Variants in DYNC2I1 observed in about 807,000 individuals in gnomAD.
DYNC2I1 encodes the protein cytoplasmic dynein 2 intermediate chain 1.
Under a neutral mutation model 133.4 loss-of-function variants are expected in DYNC2I1, and 89 were observed. That is an observed-to-expected ratio of 0.67 (90% CI 0.56 to 0.80). The LOEUF (loss-of-function observed/expected upper bound fraction) is 0.80. DYNC2I1 is among the 30% of genes least tolerant of loss of function. The probability of loss-of-function intolerance (pLI) is 0.00; values close to 1 mark genes in which losing one functional copy is unlikely to be tolerated. For synonymous variants in DYNC2I1, 504 were observed against 484.3 expected (o/e 1.04, Z -0.54); for missense variants, 1,291 against 1,314.5 (o/e 0.98, Z 0.28).
At chr7:158,910,085 A>C (rs1399639169) in intron 11 of DYNC2I1, among the ~76,000 whole-genome samples, 1 of 152,250 alleles carries the variant, frequency 6.6e-6, no homozygotes, top group Admixed American at 6.5e-5. Context: ...AAAGAAACAA[A>C]AATCTCTGCC....
At chr7:158,934,253 C>T (rs1181979142) in intron 22 of DYNC2I1, 25 bp downstream of exon 22, 4 of 1,579,522 alleles carry the variant, frequency 2.5e-6, no homozygotes, top group Non-Finnish European at 3.4e-6. Context: ...AAATTTAATC[C>T]TATTACTCAT....
intron 8 of DYNC2I1, among the ~76,000 whole-genome samples, chr7:158,900,374 G>T (rs1364272660): frequency 2.6e-5 from 4 of 151,930 alleles, no homozygotes; most frequent in Non-Finnish European, 5.9e-5. Context: ...CACCTGCCTC[G>T]GCCTCCCAAA....
chr7:158,845,233 T>C, the DYNC2I1 span, among the ~76,000 whole-genome samples: 1 of 152,164 alleles, frequency 6.6e-6, no homozygotes, highest in Non-Finnish European at 1.5e-5. Flanking sequence ...ATAGGATTTT[T>C]TTTTGTATGG....
chr7:158,857,534 G>GTTTTTTTTT (rs374994955), intron 1 of DYNC2I1, among the ~76,000 whole-genome samples: 1 of 131,402 alleles, frequency 7.6e-6, no homozygotes, highest in African/African-American at 3.1e-5. Context: ...TAAACCTTAG[G>GTTTTTTTTT]TTTTTGTTTT....
chr7:158,846,188 A>G, the DYNC2I1 span, among the ~76,000 whole-genome samples: 1,877 of 152,252 alleles, frequency 0.012, 35 homozygotes, highest in African/African-American at 0.042. Flanking sequence ...GAACCTGGGA[A>G]GCAGAAGTTG....
intron 15 of DYNC2I1, among the ~76,000 whole-genome samples, chr7:158,921,210 C>T (rs899557334): frequency 3.9e-5 from 6 of 152,180 alleles, no homozygotes; most frequent in East Asian, 1.9e-4. Context: ...GAAAACCGGA[C>T]GGAGATGAGA....
chr7:158,863,978 G>T (rs540807878), intron 1 of DYNC2I1, among the ~76,000 whole-genome samples: 1 of 141,762 alleles, frequency 7.1e-6, no homozygotes, highest in African/African-American at 2.6e-5. Flanking sequence ...GTGTTGCGGG[G>T]AGCAGGACGT....
chr7:158,902,463 C>A lies in DYNC2I1; in HGVS notation c.1225C>A (p.Pro409Thr). Residue 409 changes from proline to threonine, a missense_variant, in exon 10 of 25, where the codon CCT becomes ACT. By Grantham distance (38) the Pro-to-Thr change is conservative. Transcript: ENST00000407559. ...GTCAAGAGAAAAACTGGAAGAACTTCCTCTAGCTCAAAAAAAGGAAATACA... is the reference window on the plus strand; with the variant it reads ...GTCAAGAGAAAAACTGGAAGAACTTACTCTAGCTCAAAAAAAGGAAATACA... Reference protein sequence around the residue: ...PESREKLEELPLAQKKEIQEI... With the variant: ...PESREKLEELTLAQKKEIQEI... The A allele has an allele frequency of 6.2e-7, 1 of 1,613,866 alleles. No individual in the cohort carries two copies. Among genetic ancestry groups the A allele is most frequent in the Non-Finnish European group, 8.5e-7 (1 of 1,179,854 alleles).
At chr7:158,849,073 G>A in the DYNC2I1 span, among the ~76,000 whole-genome samples, 169 of 152,282 alleles carry the variant, frequency 1.1e-3, no homozygotes, top group African/African-American at 4.0e-3. Flanking sequence ...CTTACATTGA[G>A]GCACATTAAG....
At chr7:158,868,812 T>C (rs1159536106) in intron 1 of DYNC2I1, among the ~76,000 whole-genome samples, 1 of 152,260 alleles carries the variant, frequency 6.6e-6, no homozygotes, top group Non-Finnish European at 1.5e-5. Context: ...TGCTGAGCCT[T>C]GTGATGCCTC....
chr7:158,947,831 G>A (rs1037417334), downstream of DYNC2I1, among the ~76,000 whole-genome samples: 4 of 152,252 alleles, frequency 2.6e-5, no homozygotes, highest in African/African-American at 4.8e-5. Context: ...CTGACGCGCT[G>A]CCTCGGAAGC....
intron 6 of DYNC2I1, among the ~76,000 whole-genome samples, chr7:158,885,833 A>G (rs932854906): frequency 9.2e-5 from 14 of 152,176 alleles, no homozygotes; most frequent in Non-Finnish European, 1.9e-4. Flanking sequence ...AGAAGGCACA[A>G]TAAGACTTTT....
chr7:158,923,721 A>T lies in DYNC2I1; in HGVS notation c.2245A>T (p.Thr749Ser), dbSNP rs755638947. 206 of 1,610,512 alleles carry T rather than the reference A, an allele frequency of 1.3e-4. No individual in the cohort carries two copies. The highest frequency in any genetic ancestry group is 1.7e-4 in the Non-Finnish European group (198 of 1,177,510). Residue 749 changes from threonine (T) to serine (S), a missense_variant, in exon 17 of 25, where the codon ACG (threonine) becomes TCG (serine). Thr to Ser is a moderately conservative substitution (Grantham distance 58, BLOSUM62 1). Coordinates refer to ENST00000407559, the MANE Select transcript of DYNC2I1 (RefSeq NM_018051.5). ...TGGCTTCTGGACGTTCCGGACCGCC[A>T]CGTTTTCCACCGGTCAGTGTCATCT... ...SDGFWTFRTA[T>S]FSTDGILTSV... is the part of the protein sequence containing the mutation.
chr7:158,875,805 C>T (rs578042194), intron 3 of DYNC2I1, among the ~76,000 whole-genome samples: 10 of 152,182 alleles, frequency 6.6e-5, no homozygotes, highest in African/African-American at 9.7e-5. Flanking sequence ...AGGCATTTCC[C>T]TGGAGCTCAC....
intron 23 of DYNC2I1, among the ~76,000 whole-genome samples, chr7:158,939,939 G>C (rs2129488486): frequency 6.6e-6 from 1 of 152,226 alleles, no homozygotes; most frequent in South Asian, 2.1e-4. Flanking sequence ...TCAGCAAGAG[G>C]ATATAACAGT....
chr7:158,931,882 T>C (rs543746730), intron 21 of DYNC2I1, among the ~76,000 whole-genome samples: 2 of 152,292 alleles, frequency 1.3e-5, no homozygotes, highest in African/African-American at 2.4e-5. Flanking sequence ...CGCTCCCTGC[T>C]TTCCCAGGAA....
downstream of DYNC2I1, among the ~76,000 whole-genome samples, chr7:158,948,207 G>C (rs1363850021): frequency 6.6e-6 from 1 of 152,214 alleles, no homozygotes; most frequent in Non-Finnish European, 1.5e-5. Flanking sequence ...CAAGAGGTGG[G>C]CCGACAGTGC....
At chr7:158,893,833 T>C (rs898530265) in intron 8 of DYNC2I1, among the ~76,000 whole-genome samples, 3 of 151,866 alleles carry the variant, frequency 2.0e-5, no homozygotes, top group African/African-American at 7.3e-5. Context: ...TATCATACCG[T>C]ATGTCATAGT....
At chr7:158,839,519 T>C in the DYNC2I1 span, among the ~76,000 whole-genome samples, 2 of 152,150 alleles carry the variant, frequency 1.3e-5, no homozygotes, top group Non-Finnish European at 2.9e-5. Context: ...TTTTTGTTTT[T>C]TAAAGAGATG....
Sources: allele counts gnomAD v4.1 joint callset (sites outside exome capture counted in the v4.1 genomes callset), GRCh38; gene constraint gnomAD v4.1.1; transcripts MANE v1.5; gene names NCBI Gene and HGNC (gene_info 2026-07-23, HGNC 2026-07-21).